Variants in SMC6 observed in about 807,000 individuals in gnomAD.
SMC6 encodes structural maintenance of chromosomes 6.
SMC6 carries 79 observed loss-of-function variants against 142.2 expected under a neutral mutation model. The ratio of observed to expected loss-of-function variants is 0.56; its 90% CI spans 0.46 to 0.67. The LOEUF (loss-of-function observed/expected upper bound fraction) is 0.67, where lower values mean the gene tolerates loss of function less well. SMC6 is among the 30% of genes least tolerant of loss of function. The pLI, the probability that SMC6 is intolerant of heterozygous loss-of-function variation, is 0.00. For synonymous variants in SMC6, 411 were observed against 412.4 expected, an observed-to-expected ratio of 1.00 and a Z score of 0.04; for missense variants, 1,072 against 1,284.0, an observed-to-expected ratio of 0.83 and a Z score of 2.52.
At chr2:17,680,831 C>A (rs1298740053) in intron 24 of SMC6, 1 of 152,136 alleles carries the variant, frequency 6.6e-6, no homozygotes, top group Non-Finnish European at 1.5e-5. Context: ...TCTTAAGGGT[C>A]CTAGGATTTT....
In SMC6 at chr2:17,718,205, C is replaced by T. The variant is rs1255617622; in HGVS notation, c.964G>A (p.Glu322Lys). 7.5e-6 allele frequency: 12 copies of T among 1,602,834 alleles called. No individual in the cohort carries two copies. In the Admixed American group the frequency reaches 1.0e-4, roughly 14 times the overall value. The change falls in exon 12 of 28, where the codon GAA (glutamate) becomes AAA (lysine). Residue 322 changes from glutamate (E) to lysine (K), a missense_variant. This residue lies in a region of SMC6 where 994 missense variants were observed against 1,153.2 expected (regional missense o/e 0.86). Coordinates refer to ENST00000448223, the MANE Select transcript of SMC6 (RefSeq NM_001142286.2). ...TCTTGAATATCCTTGTACTTTTGTT[C>T]TGCCTCATTAAGTCTGACCTTTAAG... ...EEQQVRLNEA[E>K]QKYKDIQDKL...
chr2:17,713,475 A>C (rs968086681), intron 16 of SMC6: 1 of 471,050 alleles, frequency 2.1e-6, no homozygotes, highest in African/African-American at 2.0e-5. Flanking sequence ...ACAGGCTGGG[A>C]CACACAATGT....
intron 25 of SMC6, 137 bp downstream of exon 25, chr2:17,678,722 G>C (rs1180941173): frequency 3.2e-6 from 2 of 617,204 alleles, no homozygotes; most frequent in Non-Finnish European, 5.6e-6. Context: ...GTTACAGTGA[G>C]CTATGATTGT....
Position 17,671,448 on chromosome 2 carries a change from A to C in SMC6, c.2911-873T>G, listed in dbSNP as rs545461736. On this transcript the variant is annotated intron_variant, in intron 25 of 27. Transcript: ENST00000448223. ...CCTCATCTCCACACACACACACACA[A>C]AAATACAAAAACTAGCTGGCCATGG... 1.2e-3 allele frequency among the ~76,000 whole-genome samples: 165 copies of C among 142,284 alleles called. 1 individual carries two copies. The highest frequency in any genetic ancestry group is 3.7e-3 in the African/African-American group (147 of 39,266). The allele number at this position is 142,284 out of a possible 152,430, so 93.3% of individuals were successfully genotyped here.
rs138881226 is a variant in SMC6 at position 17,678,933 on chromosome 2, C to T, written c.2836G>A (p.Asp946Asn). ...TAGGCCCGCTGAGATAGTAAGTTGT[C>T]AAAGTATAATTTGCATCGTAAAGTC... is the stretch of plus-strand genomic sequence containing the variant. ...CLTLRCKLYF[D>N]NLLSQRAYCG... Residue 946 changes from aspartate (D) to asparagine (N), a missense_variant, in exon 25 of 28, where the codon GAC becomes AAC. Physicochemically the swap from Asp to Asn is conservative, Grantham distance 23. Around this residue, in one of 3 missense-constraint regions of SMC6, gnomAD observed 994 missense variants for 1,153.2 expected, o/e 0.86. Coordinates refer to ENST00000448223, the MANE Select transcript of SMC6 (RefSeq NM_001142286.2). 104 of 1,611,710 alleles carry T rather than the reference C, an allele frequency of 6.5e-5. No homozygotes were observed. The highest frequency in any genetic ancestry group is 8.8e-5 in the Non-Finnish European group (104 of 1,179,086).
intron 5 of SMC6, among the ~76,000 whole-genome samples, chr2:17,734,466 G>A (rs559307816): frequency 1.3e-5 from 2 of 152,124 alleles, no homozygotes; most frequent in Non-Finnish European, 2.9e-5. Context: ...GAAGTATGAG[G>A]GGAAGGGCGG....
chr2:17,747,507 CTTTT>C (rs11303424), intron 2 of SMC6, among the ~76,000 whole-genome samples: 15 of 106,034 alleles, frequency 1.4e-4, no homozygotes, highest in African/African-American at 3.2e-4. Context: ...CTTTTTCTTT[CTTTT>C]TTTTTTTTTT....
rs561860597 is a variant in SMC6, at chr2:17,678,840, A to C, written c.2910+19T>G. The C allele has an allele frequency of 1.5e-5, 23 of 1,508,850 alleles. No homozygotes were observed. The South Asian group carries it at 2.2e-4, about 14-fold the overall frequency. The allele number at this position is 1,508,850 out of a possible 1,614,324, so 93.5% of individuals were successfully genotyped here. On this transcript the variant is annotated intron_variant, in intron 25 of 27. Transcript: ENST00000448223. ...CTAGTTTTTCTAATGATTAGGATGAAAAGAATTAGGATACTTACTGATATA... is the reference window on the plus strand; with the variant it reads ...CTAGTTTTTCTAATGATTAGGATGACAAGAATTAGGATACTTACTGATATA...
At position 17,722,764 on chromosome 2, in the gene SMC6, T is replaced by C. The variant is rs148655357; in HGVS notation, c.727-1503A>G. 2.3e-3 allele frequency among the ~76,000 whole-genome samples: 357 copies of C among 152,308 alleles called. 12 individuals are homozygous for C. The East Asian group carries it at 0.042, about 18-fold the overall frequency. On this transcript the variant is annotated intron_variant, in intron 9 of 27. Coordinates refer to ENST00000448223, the MANE Select transcript of SMC6 (RefSeq NM_001142286.2). ...TGCCCTTGGCTTCTCATGGCTTCTA[T>C]GAGAATTTCTCACGGTTCAGGCCTG... is the stretch of plus-strand genomic sequence containing the variant.
chr2:17,731,835 A>G lies in SMC6; in HGVS notation c.387T>C (p.Asp129=). ...TACCATACACACTGGCTTTAAAGGC[A>G]TCATCTCCTCTGTTCCTCAATGTTA... ...ISITLRNRGD[D]AFKASVYGNS... The change falls in exon 6 of 28, where the codon GAT becomes GAC. Residue 129 remains aspartate, a synonymous_variant. Coordinates refer to ENST00000448223, the MANE Select transcript of SMC6 (RefSeq NM_001142286.2). The G allele has an allele frequency of 6.2e-7, 1 of 1,613,870 alleles. No individual in the cohort carries two copies. The highest frequency in any genetic ancestry group is 8.5e-7 in the Non-Finnish European group (1 of 1,179,878).
chr2:17,713,433 C>A, intron 16 of SMC6: 1 of 469,196 alleles, frequency 2.1e-6, no homozygotes, highest in Non-Finnish European at 4.4e-6. Context: ...GATCCTTTGT[C>A]ACATGTGTTT....
At position 17,693,575 on chromosome 2, in the gene SMC6, T is replaced by C. The variant is rs1667838464; in HGVS notation, c.2678+1577A>G. Among the ~76,000 whole-genome samples the C allele has an allele frequency of 1.3e-5, 2 of 151,880 alleles. 1 individual carries two copies. Among genetic ancestry groups the C allele is most frequent in the South Asian group, 4.2e-4 (2 of 4,798 alleles). On this transcript the variant is annotated intron_variant, in intron 23 of 27. Coordinates refer to ENST00000448223, the MANE Select transcript of SMC6 (RefSeq NM_001142286.2). Reference sequence around the variant, plus strand: ...TGGGGGGAGGGACAGCATTAGGAGATATACCTAATGTTAAATGACGAGGTA... The same window carrying C: ...TGGGGGGAGGGACAGCATTAGGAGACATACCTAATGTTAAATGACGAGGTA...
chr2:17,702,138 A>G (rs1490494683), intron 19 of SMC6, among the ~76,000 whole-genome samples: 1 of 152,212 alleles, frequency 6.6e-6, no homozygotes, highest in Non-Finnish European at 1.5e-5. Flanking sequence ...TAAGTAATCC[A>G]TCTTAGCATT....
At chr2:17,702,290 T>C (rs1668307212) in intron 19 of SMC6, among the ~76,000 whole-genome samples, 1 of 152,222 alleles carries the variant, frequency 6.6e-6, no homozygotes, top group South Asian at 2.1e-4. Flanking sequence ...ATCCTTCAGA[T>C]GGTCTGTGAA....
At chr2:17,675,652 C>A (rs996532848) in intron 25 of SMC6, among the ~76,000 whole-genome samples, 1 of 152,064 alleles carries the variant, frequency 6.6e-6, no homozygotes, top group African/African-American at 2.4e-5. Flanking sequence ...AAAACCAATT[C>A]TGCTAGCACT....
intron 5 of SMC6, among the ~76,000 whole-genome samples, chr2:17,732,653 C>T (rs1669966374): frequency 6.6e-6 from 1 of 151,286 alleles, no homozygotes; most frequent in Non-Finnish European, 1.5e-5. Context: ...GAGCTGAGAT[C>T]GTGCCATTGC....
At chr2:17,670,106 T>C (rs528254255) in intron 26 of SMC6, among the ~76,000 whole-genome samples, 4 of 152,302 alleles carry the variant, frequency 2.6e-5, no homozygotes, top group African/African-American at 9.6e-5. Flanking sequence ...ACAAAAAGTC[T>C]GAACATATTT....
At chr2:17,677,327 AT>A (rs1667038210) in intron 25 of SMC6, among the ~76,000 whole-genome samples, 1 of 152,160 alleles carries the variant, frequency 6.6e-6, no homozygotes, top group African/African-American at 2.4e-5. Context: ...GACTTAGTCC[AT>A]TTATCATTCA....
At chr2:17,730,843 A>G (rs1669881548) in intron 7 of SMC6, among the ~76,000 whole-genome samples, 1 of 151,084 alleles carries the variant, frequency 6.6e-6, no homozygotes, top group Admixed American at 6.6e-5. Flanking sequence ...TGAACTCCTG[A>G]CCTCAGGTGA....
Sources: allele counts gnomAD v4.1 joint callset (sites outside exome capture counted in the v4.1 genomes callset), GRCh38; gene constraint gnomAD v4.1.1; regional missense constraint gnomAD v4.1.1; transcripts MANE v1.5; gene names NCBI Gene and HGNC (gene_info 2026-07-23, HGNC 2026-07-21).